CTNNA3: variants seen among roughly 807,000 people sequenced by gnomAD.
CTNNA3 encodes catenin alpha 3.
A neutral mutation model predicts 95.7 loss-of-function variants in CTNNA3; 76 were observed. The observed-to-expected ratio is 0.79, with a 90% CI of 0.66 to 0.96. CTNNA3 has a LOEUF of 0.96. CTNNA3 is among the 40% of genes least tolerant of loss of function. The pLI, the probability that CTNNA3 is intolerant of heterozygous loss-of-function variation, is 0.00. For synonymous variants in CTNNA3, 431 were observed against 374.4 expected (o/e 1.15, Z -1.74); for missense variants, 1,191 against 1,089.8 (o/e 1.09, Z -1.31).
chr10:66,835,988 G>C (rs1441300272), intron 7 of CTNNA3, among the ~76,000 whole-genome samples: 1 of 146,026 alleles, frequency 6.8e-6, no homozygotes, highest in African/African-American at 2.5e-5. Flanking sequence ...CTGTACTAGA[G>C]AAAAAAAAAA....
At chr10:65,993,233 T>C (rs1445072501) in intron 15 of CTNNA3, among the ~76,000 whole-genome samples, 4 of 152,234 alleles carry the variant, frequency 2.6e-5, no homozygotes, top group Non-Finnish European at 4.4e-5. Flanking sequence ...CAATAAAATG[T>C]TCTGTAGATT....
rs1299054735 is a variant in CTNNA3 at position 66,429,774 on chromosome 10, T to C, written c.1532-50422A>G. Among the ~76,000 whole-genome samples, 4 of 152,196 alleles carry C rather than the reference T, an allele frequency of 2.6e-5. No homozygotes were observed. The East Asian group carries it at 7.7e-4, about 29-fold the overall frequency. ...ATCTAAAAATAATAACAGCTACATA[T>C]GACAAACCCACAACCAATATCATAC... On this transcript the variant is annotated intron_variant, in intron 11 of 17. Transcript: ENST00000433211.
At chr10:66,451,772 T>G (rs1380040370) in intron 11 of CTNNA3, among the ~76,000 whole-genome samples, 1 of 152,194 alleles carries the variant, frequency 6.6e-6, no homozygotes, top group African/African-American at 2.4e-5. Flanking sequence ...TATAAAAATT[T>G]TGGCTGCTAG....
chr10:66,149,787 C>T (rs1339261839), intron 13 of CTNNA3, among the ~76,000 whole-genome samples: 1 of 151,874 alleles, frequency 6.6e-6, no homozygotes, highest in Non-Finnish European at 1.5e-5. Context: ...AGCTGAGTAT[C>T]ATCCATTTTT....
intron 5 of CTNNA3, among the ~76,000 whole-genome samples, chr10:67,422,596 G>A (rs1257776669): frequency 6.6e-6 from 1 of 152,086 alleles, no homozygotes; most frequent in African/African-American, 2.4e-5. Flanking sequence ...GGATCATGGG[G>A]GTGGATTTCC....
intron 5 of CTNNA3, among the ~76,000 whole-genome samples, chr10:67,461,791 A>G (rs1847390312): frequency 6.6e-6 from 1 of 152,312 alleles, no homozygotes; most frequent in South Asian, 2.1e-4. Flanking sequence ...TCTTAAAAAC[A>G]TCATGTATGT....
At chr10:67,454,314 T>C (rs1847090895) in intron 5 of CTNNA3, among the ~76,000 whole-genome samples, 1 of 152,126 alleles carries the variant, frequency 6.6e-6, no homozygotes, top group African/African-American at 2.4e-5. Flanking sequence ...GAAATACATA[T>C]GTAAGTAAGT....
At chr10:66,055,223 T>C (rs1188916684) in intron 15 of CTNNA3, among the ~76,000 whole-genome samples, 1 of 152,188 alleles carries the variant, frequency 6.6e-6, no homozygotes, top group Non-Finnish European at 1.5e-5. Context: ...TGGTTCCATA[T>C]ACATTTTAGG....
chr10:66,528,946 A>G (rs911832589), intron 10 of CTNNA3, among the ~76,000 whole-genome samples: 1 of 152,152 alleles, frequency 6.6e-6, no homozygotes, highest in African/African-American at 2.4e-5. Flanking sequence ...CTGACACATC[A>G]TTTATACAAA....
intron 3 of CTNNA3, among the ~76,000 whole-genome samples, chr10:67,595,660 T>C (rs890382641): frequency 5.9e-5 from 9 of 152,138 alleles, no homozygotes; most frequent in African/African-American, 2.2e-4. Flanking sequence ...CAGTCAAGTG[T>C]TGAGTTTAGG....
At chr10:67,042,041 C>T (rs1854425910) in intron 7 of CTNNA3, among the ~76,000 whole-genome samples, 1 of 151,996 alleles carries the variant, frequency 6.6e-6, no homozygotes, top group South Asian at 2.1e-4. Context: ...GTGAGCAGAG[C>T]TGAGGCTGAG....
At chr10:67,226,343 C>A (rs140500311) in intron 5 of CTNNA3, among the ~76,000 whole-genome samples, 1 of 152,122 alleles carries the variant, frequency 6.6e-6, no homozygotes, top group South Asian at 2.1e-4. Context: ...TGCTAGAGAC[C>A]TAGACATCCA....
At chr10:66,823,693 T>G (rs989504589) in intron 7 of CTNNA3, among the ~76,000 whole-genome samples, 9 of 152,258 alleles carry the variant, frequency 5.9e-5, no homozygotes, top group Admixed American at 3.9e-4. Flanking sequence ...GAGTGAGTTT[T>G]GTGCTAGACA....
chr10:66,634,742 A>G lies in CTNNA3; in HGVS notation c.1282-12958T>C, dbSNP rs549808761. 2.0e-5 allele frequency among the ~76,000 whole-genome samples: 3 copies of G among 152,236 alleles called. No homozygotes were observed. The East Asian group carries it at 5.8e-4, about 29-fold the overall frequency. On this transcript the variant is annotated intron_variant, in intron 9 of 17. Coordinates refer to ENST00000433211, the MANE Select transcript of CTNNA3 (RefSeq NM_013266.4). ...TGTCTGAAATTCTTGTCCCTCTCAA[A>G]TAAGTCATTAAAGATGAAAATATTC... is the stretch of plus-strand genomic sequence containing the variant.
intron 4 of CTNNA3, among the ~76,000 whole-genome samples, chr10:67,531,618 C>A (rs371032218): frequency 1.3e-5 from 2 of 152,234 alleles, no homozygotes; most frequent in East Asian, 3.9e-4. Flanking sequence ...CTTGCCTTGT[C>A]TTAGATGAGA....
chr10:67,460,628 G>T (rs1458043397), intron 5 of CTNNA3, among the ~76,000 whole-genome samples: 2 of 151,950 alleles, frequency 1.3e-5, no homozygotes, highest in African/African-American at 4.8e-5. Context: ...TCTGTTTTAA[G>T]ATTTTCTTTA....
intron 1 of CTNNA3, among the ~76,000 whole-genome samples, chr10:67,657,719 C>A (rs564116599): frequency 6.6e-6 from 1 of 151,522 alleles, no homozygotes; most frequent in Admixed American, 6.6e-5. Flanking sequence ...TTGTGGTGGG[C>A]GCCTGTAATC....
At chr10:66,757,493 T>A (rs1191357589) in intron 9 of CTNNA3, among the ~76,000 whole-genome samples, 1 of 152,206 alleles carries the variant, frequency 6.6e-6, no homozygotes, top group Non-Finnish European at 1.5e-5. Context: ...TCTTAGGTCT[T>A]GTGTCCTGGG....
chr10:66,741,575 T>C (rs965725138), intron 9 of CTNNA3, among the ~76,000 whole-genome samples: 1 of 152,144 alleles, frequency 6.6e-6, no homozygotes, highest in Non-Finnish European at 1.5e-5. Flanking sequence ...ACACAATGCA[T>C]GGATTCCTCC....
Sources: allele counts gnomAD v4.1 joint callset (sites outside exome capture counted in the v4.1 genomes callset), GRCh38; gene constraint gnomAD v4.1.1; transcripts MANE v1.5; gene names NCBI Gene and HGNC (gene_info 2026-07-23, HGNC 2026-07-21).